The following PBX1 variants were observed in gnomAD, a reference collection of about 807,000 sequenced individuals.
PBX1 encodes PBX homeobox 1.
In PBX1, 6 loss-of-function variants were observed where a neutral mutation model predicts 53.4. The ratio of observed to expected loss-of-function variants is 0.11; its 90% CI spans 0.06 to 0.22. PBX1 has a LOEUF of 0.22. Ranked by LOEUF, PBX1 falls within the 10% of genes least tolerant of loss-of-function variation. PBX1 has a pLI of 1.00. For missense variants in PBX1, 251 were observed against 551.4 expected (o/e 0.46, Z 5.46); for synonymous variants, 204 against 212.3 (o/e 0.96, Z 0.34).
chr1:164,789,301 T>C (rs1382212847), intron 2 of PBX1, among the ~76,000 whole-genome samples: 3 of 152,166 alleles, frequency 2.0e-5, no homozygotes, highest in Non-Finnish European at 4.4e-5. Context: ...TTTAAAAAGA[T>C]GGTGTTTTAA....
intron 2 of PBX1, among the ~76,000 whole-genome samples, chr1:164,754,148 A>T (rs74121212): frequency 6.6e-6 from 1 of 152,136 alleles, no homozygotes; most frequent in East Asian, 1.9e-4. Context: ...CCTGCTGCCT[A>T]TGTGCCCGGC....
chr1:164,594,279 C>G (rs1246095783), intron 2 of PBX1, among the ~76,000 whole-genome samples: 1 of 152,124 alleles, frequency 6.6e-6, no homozygotes, highest in East Asian at 1.9e-4. Context: ...TAGTACAGCA[C>G]TGAGAAAAAG....
intron 8 of PBX1, among the ~76,000 whole-genome samples, chr1:164,838,976 T>C (rs747405698): frequency 1.3e-5 from 2 of 152,212 alleles, no homozygotes; most frequent in Non-Finnish European, 2.9e-5. Context: ...GTGCTTCATG[T>C]AGCCTGCAAG....
intron 2 of PBX1, among the ~76,000 whole-genome samples, chr1:164,646,904 A>G (rs1659484602): frequency 6.6e-6 from 1 of 152,206 alleles, no homozygotes; most frequent in Non-Finnish European, 1.5e-5. Context: ...CCGCAAACAC[A>G]TGCTGTGCAC....
chr1:164,610,704 G>A (rs1656862308), intron 2 of PBX1, among the ~76,000 whole-genome samples: 1 of 152,182 alleles, frequency 6.6e-6, no homozygotes, highest in African/African-American at 2.4e-5. Context: ...AATGATCACA[G>A]GGCTGGCATC....
chr1:164,815,505 C>T (rs1452029298), intron 6 of PBX1: 3 of 152,228 alleles, frequency 2.0e-5, no homozygotes, highest in South Asian at 2.1e-4. Context: ...AGTCCATTCT[C>T]ACGCTGCTAT....
intron 2 of PBX1, among the ~76,000 whole-genome samples, chr1:164,681,780 G>A (rs1320253081): frequency 1.3e-5 from 2 of 152,104 alleles, no homozygotes; most frequent in African/African-American, 4.8e-5. Flanking sequence ...CCCATGACAT[G>A]TAATTTACCT....
chr1:164,694,316 G>A (rs1191304425), intron 2 of PBX1, among the ~76,000 whole-genome samples: 3 of 152,108 alleles, frequency 2.0e-5, no homozygotes, highest in Admixed American at 6.5e-5. Flanking sequence ...CCATCACTAA[G>A]TATTCGTATG....
At chr1:164,788,816 T>G (rs74121237) in intron 2 of PBX1, among the ~76,000 whole-genome samples, 1,762 of 149,024 alleles carry the variant, frequency 0.012, 35 homozygotes, top group African/African-American at 0.041. Context: ...GGGACCTATT[T>G]ATGTGTCTTG....
chr1:164,597,323 G>C (rs556743418), intron 2 of PBX1, among the ~76,000 whole-genome samples: 1 of 152,280 alleles, frequency 6.6e-6, no homozygotes, highest in Admixed American at 6.5e-5. Flanking sequence ...GAACAGAGTT[G>C]GTTGTTGTCC....
At chr1:164,609,689 C>T (rs1656782544) in intron 2 of PBX1, among the ~76,000 whole-genome samples, 1 of 152,132 alleles carries the variant, frequency 6.6e-6, no homozygotes, top group African/African-American at 2.4e-5. Flanking sequence ...TAAAACCTTT[C>T]TGTTGCGCTT....
intron 2 of PBX1, among the ~76,000 whole-genome samples, chr1:164,571,107 T>C (rs911145548): frequency 3.9e-5 from 6 of 152,232 alleles, no homozygotes; most frequent in Admixed American, 1.3e-4. Context: ...AGGAAAAATG[T>C]TATCTTTGTC....
rs1207655187 is a variant in PBX1 at position 164,757,945 on chromosome 1, T to G, written c.266-34549T>G. 1.3e-5 allele frequency among the ~76,000 whole-genome samples: 2 copies of G among 152,184 alleles called. 1 individual carries two copies. Among genetic ancestry groups the G allele is most frequent in the South Asian group, 4.1e-4 (2 of 4,822 alleles). On this transcript the variant is annotated intron_variant, in intron 2 of 8. Transcript: ENST00000420696. The stretch of plus-strand genomic sequence containing the variant: ...CTATAGTGTTTTCACTAAAACACTT[T>G]TAGTTTTATAATTTAAAATTGTACC...
chr1:164,790,267 T>C (rs1668425655), intron 2 of PBX1, among the ~76,000 whole-genome samples: 1 of 152,200 alleles, frequency 6.6e-6, no homozygotes, highest in Admixed American at 6.5e-5. Context: ...TAAATCCTTA[T>C]TGTGCAAAGA....
At chr1:164,788,880 T>A (rs772085860) in intron 2 of PBX1, among the ~76,000 whole-genome samples, 7 of 152,096 alleles carry the variant, frequency 4.6e-5, no homozygotes, top group Non-Finnish European at 1.0e-4. Flanking sequence ...TGTATCTATC[T>A]TATCAATTTC....
chr1:164,823,057 C>G lies in PBX1; in HGVS notation c.1200+1431C>G, dbSNP rs71628350. On this transcript the variant is annotated intron_variant, in intron 8 of 8. Coordinates refer to ENST00000420696, the MANE Select transcript of PBX1 (RefSeq NM_002585.4). Reference sequence around the variant, plus strand: ...CTACCTTTTTCAGGCAGAATCTCCTCTTGAGTTTACACAATATTTATCAAG... The same window carrying G: ...CTACCTTTTTCAGGCAGAATCTCCTGTTGAGTTTACACAATATTTATCAAG... Among the ~76,000 whole-genome samples, 669 of 152,272 alleles carry G rather than the reference C, an allele frequency of 4.4e-3. 1 individual carries two copies. The highest frequency in any genetic ancestry group is 0.014 in the Middle Eastern group (4 of 290).
intron 4 of PBX1, 75 bp from the exon 5 acceptor site, chr1:164,807,467 G>T (rs1217030127): frequency 2.0e-6 from 3 of 1,525,784 alleles, no homozygotes; most frequent in African/African-American, 2.8e-5. Flanking sequence ...TCTCCCAGAA[G>T]TAGATTTATT....
At chr1:164,840,283 CAT>C (rs1303501077) in intron 8 of PBX1, among the ~76,000 whole-genome samples, 7 of 152,272 alleles carry the variant, frequency 4.6e-5, no homozygotes, top group South Asian at 4.1e-4. Flanking sequence ...TCTGAGAGCA[CAT>C]GTTATTCCCA....
chr1:164,681,004 C>T (rs1235158642), intron 2 of PBX1, among the ~76,000 whole-genome samples: 1 of 152,106 alleles, frequency 6.6e-6, no homozygotes, highest in African/African-American at 2.4e-5. Flanking sequence ...TGGCTCATGC[C>T]TGTAATCCCA....
Sources: allele counts gnomAD v4.1 joint callset (sites outside exome capture counted in the v4.1 genomes callset), GRCh38; gene constraint gnomAD v4.1.1; transcripts MANE v1.5; gene names NCBI Gene and HGNC (gene_info 2026-07-23, HGNC 2026-07-21).